Variants in NTNG1 observed in about 807,000 individuals in gnomAD.
NTNG1 encodes netrin G1, also known as netrin-G1.
Under a neutral mutation model 54.0 loss-of-function variants are expected in NTNG1, and 16 were observed. The observed-to-expected ratio is 0.30, with a 90% CI of 0.20 to 0.45. The LOEUF is 0.45. Among genes scored for constraint, NTNG1 ranks in the 20% least tolerant of loss-of-function variants. NTNG1 has a pLI of 1.00. For synonymous variants in NTNG1, 255 were observed against 263.1 expected (o/e 0.97, Z 0.30); for missense variants, 530 against 678.7 (o/e 0.78, Z 2.43).
At chr1:107,232,612 TCTGC>T (rs909635827) in intron 2 of NTNG1, among the ~76,000 whole-genome samples, 27 of 152,358 alleles carry the variant, frequency 1.8e-4, no homozygotes, top group African/African-American at 6.0e-4. Context: ...TATATTAAAG[TCTGC>T]CTGCTGTTCG....
intron 2 of NTNG1, among the ~76,000 whole-genome samples, chr1:107,280,036 T>G (rs1257651683): frequency 1.9e-5 from 1 of 51,340 alleles, no homozygotes; most frequent in Non-Finnish European, 4.4e-5. Context: ...CCTTTGTTGG[T>G]GTGTGTGTGT....
At chr1:107,307,693 C>T (rs1482444055) in intron 2 of NTNG1, among the ~76,000 whole-genome samples, 1 of 152,144 alleles carries the variant, frequency 6.6e-6, no homozygotes. Context: ...CATCTTTGTC[C>T]AGTGCTAATG....
intron 3 of NTNG1, among the ~76,000 whole-genome samples, chr1:107,328,605 A>G (rs1668096609): frequency 6.6e-6 from 1 of 152,112 alleles, no homozygotes; most frequent in African/African-American, 2.4e-5. Flanking sequence ...AATGTCCAAA[A>G]TGTTTTCTTA....
At chr1:107,245,319 A>C (rs1662123796) in intron 2 of NTNG1, among the ~76,000 whole-genome samples, 1 of 152,240 alleles carries the variant, frequency 6.6e-6, no homozygotes, top group African/African-American at 2.4e-5. Flanking sequence ...TTGAGCATGC[A>C]TAATTTACCA....
At chr1:107,342,388 A>T (rs1159609356) in intron 3 of NTNG1, among the ~76,000 whole-genome samples, 1 of 152,110 alleles carries the variant, frequency 6.6e-6, no homozygotes, top group South Asian at 2.1e-4. Flanking sequence ...CACAAATAAA[A>T]CAGTAAACTA....
intron 3 of NTNG1, among the ~76,000 whole-genome samples, chr1:107,325,654 G>T (rs1221421534): frequency 6.6e-6 from 1 of 151,896 alleles, no homozygotes; most frequent in Non-Finnish European, 1.5e-5. Flanking sequence ...ATGTTTAAAT[G>T]AAAAACTTCA....
intron 7 of NTNG1, among the ~76,000 whole-genome samples, chr1:107,437,042 A>G (rs535200688): frequency 6.6e-6 from 1 of 152,242 alleles, no homozygotes; most frequent in South Asian, 2.1e-4. Context: ...TATTGTATGG[A>G]GATCCATATA....
intron 2 of NTNG1, among the ~76,000 whole-genome samples, chr1:107,304,336 T>G (rs79814083): frequency 0.026 from 3,992 of 152,252 alleles, 131 homozygotes; most frequent in East Asian, 0.15. Flanking sequence ...GTGGCCCAAA[T>G]TATATATAGT....
Position 107,443,849 on chromosome 1 carries a change from A to C in NTNG1, c.1390+7050A>C, listed in dbSNP as rs186613300. Among the ~76,000 whole-genome samples, 5 of 152,220 alleles carry C rather than the reference A, an allele frequency of 3.3e-5. No individual in the cohort carries two copies. In the East Asian group the frequency reaches 9.7e-4, roughly 29 times the overall value. On this transcript the variant is annotated intron_variant, in intron 7 of 7. Transcript: ENST00000370068. ...ATTAGTTTCCAATAGCACCTTGAAC[A>C]CAGCATCATTTCCCTTGCTACATAC...
chr1:107,270,879 T>TA (rs1664100898), intron 2 of NTNG1, among the ~76,000 whole-genome samples: 1 of 152,088 alleles, frequency 6.6e-6, no homozygotes, highest in Admixed American at 6.6e-5. Context: ...AGAAGACACT[T>TA]ATATTGTGAA....
chr1:107,336,325 ATT>A (rs1490948629), intron 3 of NTNG1, among the ~76,000 whole-genome samples: 8 of 151,862 alleles, frequency 5.3e-5, no homozygotes, highest in Non-Finnish European at 5.9e-5. Context: ...TGGTCAAATA[ATT>A]TTCAACAACG....
At chr1:107,184,472 C>G (rs1360456385) in intron 2 of NTNG1, among the ~76,000 whole-genome samples, 2 of 152,114 alleles carry the variant, frequency 1.3e-5, no homozygotes, top group African/African-American at 4.8e-5. Context: ...CACCCTGCTT[C>G]CTGCCGAAAG....
At chr1:107,440,471 G>A (rs79035407) in intron 7 of NTNG1, among the ~76,000 whole-genome samples, 2,379 of 152,162 alleles carry the variant, frequency 0.016, 27 homozygotes, top group Non-Finnish European at 0.021. Flanking sequence ...CTAAAATGGG[G>A]TAATAATATG....
chr1:107,314,767 C>T (rs746256271), intron 2 of NTNG1, among the ~76,000 whole-genome samples: 6 of 152,188 alleles, frequency 3.9e-5, no homozygotes, highest in Non-Finnish European at 7.3e-5. Flanking sequence ...TGACTGTTAA[C>T]TCATTGACTG....
intron 2 of NTNG1, among the ~76,000 whole-genome samples, chr1:107,239,132 G>A (rs1447600882): frequency 6.6e-6 from 1 of 152,120 alleles, no homozygotes; most frequent in Non-Finnish European, 1.5e-5. Flanking sequence ...TGAAGGAAAA[G>A]TATACATGGA....
At chr1:107,200,883 G>A (rs1483799982) in intron 2 of NTNG1, among the ~76,000 whole-genome samples, 1 of 151,754 alleles carries the variant, frequency 6.6e-6, no homozygotes, top group African/African-American at 2.4e-5. Context: ...GGAAAGCTAT[G>A]ACTCAGTTCT....
chr1:107,275,112 C>A (rs1030834792), intron 2 of NTNG1, among the ~76,000 whole-genome samples: 1 of 152,162 alleles, frequency 6.6e-6, no homozygotes, highest in Non-Finnish European at 1.5e-5. Context: ...CATGGTGGCT[C>A]ACACCAGTAA....
chr1:107,297,086 GACACACACAC>G (rs34213703), intron 2 of NTNG1, among the ~76,000 whole-genome samples: 20 of 137,400 alleles, frequency 1.5e-4, no homozygotes, highest in Non-Finnish European at 1.9e-4. Flanking sequence ...TACAGATGAG[GACACACACAC>G]ACACACACAC....
At chr1:107,437,991 A>G (rs1417456273) in intron 7 of NTNG1, among the ~76,000 whole-genome samples, 1 of 152,188 alleles carries the variant, frequency 6.6e-6, no homozygotes, top group Non-Finnish European at 1.5e-5. Context: ...AGAAAACTGT[A>G]TATTATTTGT....
Sources: allele counts gnomAD v4.1 joint callset (sites outside exome capture counted in the v4.1 genomes callset), GRCh38; gene constraint gnomAD v4.1.1; transcripts MANE v1.5; gene names NCBI Gene and HGNC (gene_info 2026-07-23, HGNC 2026-07-21).